Variants in NT5C2 observed in about 807,000 individuals in gnomAD.
NT5C2 encodes the protein cytosolic purine 5'-nucleotidase.
In NT5C2, 58 loss-of-function variants were observed where a neutral mutation model predicts 76.1. The ratio of observed to expected loss-of-function variants is 0.76; its 90% CI spans 0.62 to 0.95. NT5C2 has a LOEUF of 0.95. Among genes scored for constraint, NT5C2 ranks in the 40% least tolerant of loss-of-function variants. The pLI is 0.00. For missense variants in NT5C2, 478 were observed against 690.3 expected (o/e 0.69, Z 3.45); for synonymous variants, 229 against 237.4 (o/e 0.96, Z 0.32).
intron 4 of NT5C2, chr10:103,125,355 C>A: frequency 2.9e-6 from 1 of 344,464 alleles, no homozygotes; most frequent in South Asian, 2.8e-5. Context: ...CTGGCGTTTG[C>A]CTGTCTTTTC....
chr10:103,179,955 A>G (rs555792139), intron 2 of NT5C2, among the ~76,000 whole-genome samples: 4 of 152,332 alleles, frequency 2.6e-5, no homozygotes, highest in Non-Finnish European at 5.9e-5. Flanking sequence ...TAGAGTATTG[A>G]GAGGAAAAAG....
At chr10:103,094,585 TA>T in intron 12 of NT5C2, 130 bp from the exon 13 acceptor site, 1 of 642,908 alleles carries the variant, frequency 1.6e-6, no homozygotes. Flanking sequence ...TTTTATTTTT[TA>T]AAAAGGTATT....
At chr10:103,174,786 A>G in intron 3 of NT5C2, 72 bp downstream of exon 3, 1 of 968,564 alleles carries the variant, frequency 1.0e-6, no homozygotes, top group South Asian at 1.3e-5. Flanking sequence ...TCTGTACATT[A>G]ATTTCATCAT....
chr10:103,132,541 A>G (rs567786615), intron 4 of NT5C2, among the ~76,000 whole-genome samples: 1 of 152,162 alleles, frequency 6.6e-6, no homozygotes, highest in East Asian at 1.9e-4. Flanking sequence ...CTGTAGGTCT[A>G]AAGTAATTTC....
chr10:103,172,362 C>CCT (rs2088380331), intron 3 of NT5C2, among the ~76,000 whole-genome samples: 1 of 150,158 alleles, frequency 6.7e-6, no homozygotes, highest in Non-Finnish European at 1.5e-5. Context: ...CATTCTCCTG[C>CCT]CTCAGCCTCC....
At chr10:103,178,086 A>G (rs1001824608) in intron 2 of NT5C2, among the ~76,000 whole-genome samples, 3 of 152,214 alleles carry the variant, frequency 2.0e-5, no homozygotes, top group African/African-American at 7.2e-5. Flanking sequence ...AAGCTCATCC[A>G]TGTAGTATCA....
intron 1 of NT5C2, among the ~76,000 whole-genome samples, 168 bp downstream of exon 1, chr10:103,193,068 G>C (rs2092769665): frequency 6.6e-6 from 1 of 151,548 alleles, no homozygotes; most frequent in African/African-American, 2.4e-5. Context: ...GCGCTGGCGG[G>C]GACTCGGCCT....
chr10:103,139,290 C>T, intron 4 of NT5C2, 116 bp downstream of exon 4: 1 of 558,858 alleles, frequency 1.8e-6, no homozygotes, highest in Non-Finnish European at 3.0e-6. Flanking sequence ...ATAATAAAAG[C>T]TTCTGGCAGC....
rs190311090 is a variant in NT5C2, at chr10:103,109,633, A to T, written c.176-2927T>A. ...CAATTGTTAATTTTTTCAGAAGGAC[A>T]ATTTGCTGGATATGCCTTAAGAGTG... On this transcript the variant is annotated intron_variant, in intron 4 of 18. Coordinates refer to ENST00000404739, the MANE Select transcript of NT5C2 (RefSeq NM_001351169.2). 6.0e-4 allele frequency among the ~76,000 whole-genome samples: 91 copies of T among 152,316 alleles called. 1 individual carries two copies. Among genetic ancestry groups the T allele is most frequent in the African/African-American group, 2.0e-3 (83 of 41,566 alleles).
intron 3 of NT5C2, among the ~76,000 whole-genome samples, chr10:103,171,100 C>T (rs188477691): frequency 2.6e-5 from 4 of 152,218 alleles, no homozygotes; most frequent in African/African-American, 7.2e-5. Context: ...CGTTAGTACC[C>T]ATTTGACAGG....
At chr10:103,158,198 A>T (rs1031362130) in intron 3 of NT5C2, among the ~76,000 whole-genome samples, 2 of 152,204 alleles carry the variant, frequency 1.3e-5, no homozygotes, top group Non-Finnish European at 2.9e-5. Context: ...AAAAAAGGAC[A>T]TAACAAAATC....
chr10:103,094,158 A>G (rs2067603724), intron 13 of NT5C2, 120 bp from the exon 14 acceptor site: 3 of 798,914 alleles, frequency 3.8e-6, no homozygotes, highest in Non-Finnish European at 6.4e-6. Context: ...AGCCAAATGA[A>G]TGGCACTTAC....
chr10:103,141,459 A>C (rs1463449240), intron 3 of NT5C2, among the ~76,000 whole-genome samples: 2 of 152,152 alleles, frequency 1.3e-5, no homozygotes, highest in East Asian at 3.8e-4. Context: ...CCCTGTTCCC[A>C]AAAAAATAAC....
chr10:103,126,622 A>T (rs2076708706), intron 4 of NT5C2, among the ~76,000 whole-genome samples: 1 of 152,160 alleles, frequency 6.6e-6, no homozygotes. Context: ...ACTCCGTCTA[A>T]AAAACTAAAA....
intron 1 of NT5C2, among the ~76,000 whole-genome samples, chr10:103,186,967 T>C (rs1207223352): frequency 1.3e-5 from 2 of 149,760 alleles, no homozygotes; most frequent in Non-Finnish European, 3.0e-5. Context: ...ATTCTAATGT[T>C]AGGCCAGGGG....
intron 3 of NT5C2, among the ~76,000 whole-genome samples, chr10:103,171,081 G>A (rs1478215523): frequency 6.6e-6 from 1 of 152,048 alleles, no homozygotes; most frequent in African/African-American, 2.4e-5. Flanking sequence ...CTCACACACA[G>A]AAGAGAATCG....
chr10:103,121,879 T>C lies in NT5C2; in HGVS notation c.176-15173A>G, dbSNP rs540171154. 4.6e-5 allele frequency among the ~76,000 whole-genome samples: 7 copies of C among 152,304 alleles called. No individual in the cohort carries two copies. The East Asian group carries it at 1.4e-3, about 29-fold the overall frequency. On this transcript the variant is annotated intron_variant, in intron 4 of 18. Coordinates refer to ENST00000404739, the MANE Select transcript of NT5C2 (RefSeq NM_001351169.2). The stretch of plus-strand genomic sequence containing the variant: ...ATTGAGAAAAAAATGCACTATTTAA[T>C]TTTAGAATTCTCGGCCAGGCACGAT...
intron 4 of NT5C2, among the ~76,000 whole-genome samples, chr10:103,113,672 G>A (rs2073623563): frequency 1.3e-5 from 2 of 152,134 alleles, no homozygotes; most frequent in South Asian, 4.1e-4. Flanking sequence ...TGGCATATTA[G>A]AGGGGATATA....
intron 2 of NT5C2, among the ~76,000 whole-genome samples, chr10:103,180,246 G>T (rs2090817647): frequency 6.6e-6 from 1 of 152,206 alleles, no homozygotes; most frequent in Admixed American, 6.5e-5. Context: ...TAAAAAGACA[G>T]TATCAAATGT....
Sources: allele counts gnomAD v4.1 joint callset (sites outside exome capture counted in the v4.1 genomes callset), GRCh38; gene constraint gnomAD v4.1.1; transcripts MANE v1.5; gene names NCBI Gene and HGNC (gene_info 2026-07-23, HGNC 2026-07-21).